DYTN: variants seen among roughly 807,000 people sequenced by gnomAD.
The protein encoded by DYTN is dystrotelin.
A neutral mutation model predicts 69.6 loss-of-function variants in DYTN; 75 were observed. The observed-to-expected ratio is 1.08, with a 90% CI of 0.89 to 1.31. The LOEUF (loss-of-function observed/expected upper bound fraction) is 1.31, where lower values mean the gene tolerates loss of function less well. Among genes scored for constraint, DYTN ranks in the 50% most tolerant of loss-of-function variants. The pLI, the probability that DYTN is intolerant of heterozygous loss-of-function variation, is 0.00. For missense variants in DYTN, 726 were observed against 688.4 expected (o/e 1.05, Z -0.61); for synonymous variants, 252 against 249.1 (o/e 1.01, Z -0.11).
chr2:206,663,013 T>C lies in DYTN; in HGVS notation c.1523A>G (p.Glu508Gly). Residue 508 changes from glutamate (E) to glycine (G), a missense_variant, in exon 11 of 12, where the codon GAA becomes GGA. Glu to Gly is a moderately conservative substitution (Grantham distance 98). Coordinates refer to ENST00000452335, the MANE Select transcript of DYTN (RefSeq NM_001093730.1). ...CTTGATGTTACCTGCCTCTTTCTTT[T>C]CCACGGCTGCCAGAGCAGGACTGCT... is the stretch of plus-strand genomic sequence containing the variant. Reference protein sequence around the residue: ...EMSSPALAAVEKKEAGNIKER... With the variant: ...EMSSPALAAVGKKEAGNIKER... The C allele has an allele frequency of 6.2e-7, 1 of 1,613,886 alleles. No individual in the cohort carries two copies. Among genetic ancestry groups the C allele is most frequent in the Non-Finnish European group, 8.5e-7 (1 of 1,179,864 alleles).
intron 1 of DYTN, among the ~76,000 whole-genome samples, chr2:206,711,398 C>T (rs1312395796): frequency 1.3e-5 from 2 of 152,170 alleles, no homozygotes; most frequent in Non-Finnish European, 2.9e-5. Flanking sequence ...ATACTTAGTT[C>T]TGTTCCTTCC....
chr2:206,716,047 T>C (rs1700127070), intron 1 of DYTN, among the ~76,000 whole-genome samples: 1 of 151,976 alleles, frequency 6.6e-6, no homozygotes, highest in African/African-American at 2.4e-5. Flanking sequence ...AAGATCGCGC[T>C]ACTGCACTCC....
At chr2:206,661,988 C>T (rs572278957) in intron 11 of DYTN, among the ~76,000 whole-genome samples, 10 of 152,084 alleles carry the variant, frequency 6.6e-5, no homozygotes, top group Middle Eastern at 3.4e-3. Context: ...TGTTCATTTC[C>T]CAGGCTAGCA....
chr2:206,709,482 T>C lies in DYTN; in HGVS notation c.94+1042A>G, dbSNP rs544463111. Among the ~76,000 whole-genome samples the C allele has an allele frequency of 3.3e-4, 50 of 151,060 alleles. No individual in the cohort carries two copies. In the East Asian group the frequency reaches 9.2e-3, roughly 28 times the overall value. On this transcript the variant is annotated intron_variant, in intron 2 of 11. Coordinates refer to ENST00000452335, the MANE Select transcript of DYTN (RefSeq NM_001093730.1). ...ACAGACACACACACACACACACACA[T>C]ACAAGCAAACACGGTATGGAAAATA...
chr2:206,717,824 T>C (rs1043084837), intron 1 of DYTN, among the ~76,000 whole-genome samples: 1 of 152,214 alleles, frequency 6.6e-6, no homozygotes, highest in African/African-American at 2.4e-5. Context: ...TTTCTCCATA[T>C]CCACTTATAA....
intron 9 of DYTN, among the ~76,000 whole-genome samples, chr2:206,684,296 ATTTTTCT>A (rs1244984259): frequency 6.6e-6 from 1 of 151,696 alleles, no homozygotes; most frequent in Non-Finnish European, 1.5e-5. Context: ...TCATTGTTAC[ATTTTTCT>A]TTTTTCTTTT....
In DYTN at chr2:206,653,252, A is replaced by T. The variant is rs116795480; in HGVS notation, c.1634-1331T>A. 7.7e-3 allele frequency among the ~76,000 whole-genome samples: 1,179 copies of T among 152,312 alleles called. 18 individuals carry two copies. Among genetic ancestry groups the T allele is most frequent in the African/African-American group, 0.026 (1,080 of 41,560 alleles). The stretch of plus-strand genomic sequence containing the variant: ...ATAAATAAATAGGAAAGCCATAATC[A>T]ATCTCACATACTGTAATTTTTCTTA... On this transcript the variant is annotated intron_variant, in intron 11 of 11. Coordinates refer to ENST00000452335, the MANE Select transcript of DYTN (RefSeq NM_001093730.1).
At chr2:206,709,612 A>G (rs1294436615) in intron 2 of DYTN, among the ~76,000 whole-genome samples, 3 of 152,084 alleles carry the variant, frequency 2.0e-5, no homozygotes, top group Non-Finnish European at 4.4e-5. Context: ...CCTACCCTAC[A>G]TTCACATATA....
intron 9 of DYTN, among the ~76,000 whole-genome samples, chr2:206,685,498 C>T (rs1279308026): frequency 2.0e-5 from 3 of 151,904 alleles, no homozygotes; most frequent in East Asian, 3.9e-4. Flanking sequence ...TAATTGTGGA[C>T]CAAGAAAACA....
At chr2:206,706,013 A>G (rs1700021841) in intron 3 of DYTN, 140 bp from the exon 4 acceptor site, 8 of 753,716 alleles carry the variant, frequency 1.1e-5, no homozygotes, top group Middle Eastern at 5.2e-4. Flanking sequence ...CTCTTATCCT[A>G]TACCTAGAAT....
intron 5 of DYTN, 138 bp downstream of exon 5, chr2:206,704,705 G>T: frequency 1.5e-6 from 1 of 688,884 alleles, no homozygotes; most frequent in Non-Finnish European, 2.5e-6. Flanking sequence ...TCAAGTAACA[G>T]CAATGGCTAT....
chr2:206,693,222 C>A lies in DYTN; in HGVS notation c.933G>T (p.Leu311=), dbSNP rs762646656. ...RKKEAARRQQ[L]LDQVNPKGVP... is the part of the protein sequence containing the mutation. ...CACCCTTTGGATTCACCTGGTCCAG[C>A]AGCTGCTGCCTTCTCGCTGCTTCTT... Residue 311 remains leucine (L), a synonymous_variant, in exon 9 of 12, where the codon CTG becomes CTT. Coordinates refer to ENST00000452335, the MANE Select transcript of DYTN (RefSeq NM_001093730.1). 7 of 1,613,402 alleles carry A rather than the reference C, an allele frequency of 4.3e-6. No homozygotes were observed. In the East Asian group the frequency reaches 8.9e-5, roughly 21 times the overall value.
chr2:206,659,484 C>CAAAAAAA (rs772861150), intron 11 of DYTN, among the ~76,000 whole-genome samples: 3 of 64,590 alleles, frequency 4.6e-5, no homozygotes, highest in African/African-American at 1.1e-4. Flanking sequence ...CAACAATTCT[C>CAAAAAAA]AAAAAAAAAA....
At chr2:206,683,968 A>G (rs1699780272) in intron 9 of DYTN, among the ~76,000 whole-genome samples, 1 of 151,928 alleles carries the variant, frequency 6.6e-6, no homozygotes, top group African/African-American at 2.4e-5. Flanking sequence ...CTTTTTTTAA[A>G]CTTTAATACT....
chr2:206,687,466 G>T (rs907987724), intron 9 of DYTN: 1 of 151,946 alleles, frequency 6.6e-6, no homozygotes, highest in Non-Finnish European at 1.5e-5. Flanking sequence ...TCTTATTACC[G>T]AAAATATTTT....
chr2:206,670,098 T>A lies in DYTN; in HGVS notation c.981-4069A>T, dbSNP rs6726928. Among the ~76,000 whole-genome samples the A allele has an allele frequency of 2.1e-3, 319 of 152,348 alleles. 1 individual carries two copies. The highest frequency in any genetic ancestry group is 7.2e-3 in the African/African-American group (301 of 41,578). ...ATAAGAAGATGATAGACAGTTTCCA[T>A]TCAGCCTAATAAACCTAGTAGAAAG... is the stretch of plus-strand genomic sequence containing the variant. On this transcript the variant is annotated intron_variant, in intron 9 of 11. Coordinates refer to ENST00000452335, the MANE Select transcript of DYTN (RefSeq NM_001093730.1).
rs1162985149 is a variant in DYTN, at chr2:206,710,579, C to T, written c.39G>A (p.Glu13=). ...TGAAGGCTGTTCTATAAATGGAATTCTCAATACTATTAAGAGCATCTGTAA... is the reference window on the plus strand; with the variant it reads ...TGAAGGCTGTTCTATAAATGGAATTTTCAATACTATTAAGAGCATCTGTAA... ...PDKQDALNSI[E]NSIYRTAFKL... The change falls in exon 2 of 12, where the codon GAG becomes GAA. Residue 13 remains glutamate, a synonymous_variant. Coordinates refer to ENST00000452335, the MANE Select transcript of DYTN (RefSeq NM_001093730.1). 6.2e-7 allele frequency: 1 copy of T among 1,610,296 alleles called. No homozygotes were observed. Among genetic ancestry groups the T allele is most frequent in the Non-Finnish European group, 8.5e-7 (1 of 1,178,156 alleles).
intron 9 of DYTN, among the ~76,000 whole-genome samples, chr2:206,666,495 T>C (rs1699573571): frequency 6.6e-6 from 1 of 152,184 alleles, no homozygotes; most frequent in African/African-American, 2.4e-5. Context: ...TTTGACAGCT[T>C]CCCTCTACTG....
intron 1 of DYTN, among the ~76,000 whole-genome samples, chr2:206,715,513 C>A (rs971512148): frequency 3.3e-5 from 5 of 152,148 alleles, no homozygotes; most frequent in African/African-American, 1.2e-4. Context: ...TGGGTGCAGG[C>A]AGAAGCATCT....
Sources: gnomAD v4.1 joint callset for allele counts (sites outside exome capture counted in the v4.1 genomes callset) on GRCh38, gnomAD v4.1.1 for gene constraint, MANE v1.5 for transcripts, NCBI Gene and HGNC (gene_info 2026-07-23, HGNC 2026-07-21) for gene names.